PRORP: variants seen among roughly 807,000 people sequenced by gnomAD.
The protein encoded by PRORP is mitochondrial ribonuclease P catalytic subunit.
PRORP carries 51 observed loss-of-function variants against 59.4 expected under a neutral mutation model. The ratio of observed to expected loss-of-function variants is 0.86; its 90% CI spans 0.69 to 1.08. The LOEUF is 1.08. Among genes scored for constraint, PRORP ranks in the 50% least tolerant of loss-of-function variants. PRORP has a pLI of 0.00. For synonymous variants in PRORP, 231 were observed against 245.6 expected (o/e 0.94, Z 0.55); for missense variants, 646 against 690.3 (o/e 0.94, Z 0.72).
intron 5 of PRORP, among the ~76,000 whole-genome samples, chr14:35,223,020 T>G (rs8011465): frequency 0.71 from 108,224 of 152,008 alleles, 39,041 homozygotes; most frequent in Admixed American, 0.79. Flanking sequence ...ATTTACTCTC[T>G]TAGGGTCAAG....
intron 6 of PRORP, among the ~76,000 whole-genome samples, chr14:35,269,287 A>G (rs1284387845): frequency 6.6e-6 from 1 of 152,188 alleles, no homozygotes; most frequent in Admixed American, 6.5e-5. Context: ...TGTCATGATC[A>G]TTATTATTTT....
At chr14:35,125,753 G>A (rs372913414) in intron 2 of PRORP, among the ~76,000 whole-genome samples, 1 of 152,150 alleles carries the variant, frequency 6.6e-6, no homozygotes, top group East Asian at 1.9e-4. Context: ...TGGGTGCTGT[G>A]GCTCACGCCT....
rs147024120 is a variant in PRORP at position 35,161,805 on chromosome 14, G to A, written c.1168-18865G>A. 2.5e-3 allele frequency among the ~76,000 whole-genome samples: 375 copies of A among 152,160 alleles called. 2 individuals carry two copies. The highest frequency in any genetic ancestry group is 8.5e-3 in the African/African-American group (355 of 41,528). On this transcript the variant is annotated intron_variant, in intron 4 of 7. Transcript: ENST00000534898. ...GTTAGATCTATTTCTCCAAAGATCAGTCAAGATTTAAGAAATAACTTTAAA... is the reference window on the plus strand; with the variant it reads ...GTTAGATCTATTTCTCCAAAGATCAATCAAGATTTAAGAAATAACTTTAAA...
intron 5 of PRORP, chr14:35,263,181 C>G: frequency 1.5e-6 from 1 of 648,428 alleles, no homozygotes; most frequent in Non-Finnish European, 2.6e-6. Flanking sequence ...GGTAAATAGA[C>G]ATTAACAATC....
intron 5 of PRORP, among the ~76,000 whole-genome samples, chr14:35,259,951 G>T (rs1351158633): frequency 2.0e-5 from 3 of 148,438 alleles, no homozygotes; most frequent in African/African-American, 7.4e-5. Context: ...TTTTTGTATA[G>T]CATTTTTAGT....
At chr14:35,224,258 A>G (rs569779124) in intron 5 of PRORP, among the ~76,000 whole-genome samples, 1 of 152,366 alleles carries the variant, frequency 6.6e-6, no homozygotes, top group Admixed American at 6.5e-5. Context: ...ATCTAGAGAT[A>G]TTCTCTATCA....
At chr14:35,226,613 G>C (rs1471441113) in intron 5 of PRORP, among the ~76,000 whole-genome samples, 1 of 152,230 alleles carries the variant, frequency 6.6e-6, no homozygotes, top group African/African-American at 2.4e-5. Flanking sequence ...AATAAATATT[G>C]CCTAACTTTG....
At chr14:35,151,365 A>G (rs950996184) in intron 4 of PRORP, among the ~76,000 whole-genome samples, 4 of 152,240 alleles carry the variant, frequency 2.6e-5, no homozygotes, top group Non-Finnish European at 2.9e-5. Flanking sequence ...AAGGAAGAGA[A>G]AACTACCAGT....
At chr14:35,150,961 C>T (rs1056304444) in intron 4 of PRORP, among the ~76,000 whole-genome samples, 1 of 152,158 alleles carries the variant, frequency 6.6e-6, no homozygotes, top group Non-Finnish European at 1.5e-5. Context: ...TCTTATCTTT[C>T]TTACAGCGAG....
intron 5 of PRORP, among the ~76,000 whole-genome samples, chr14:35,210,123 A>G (rs1360840736): frequency 6.6e-6 from 1 of 152,226 alleles, no homozygotes; most frequent in Non-Finnish European, 1.5e-5. Flanking sequence ...ATTAAAATCC[A>G]TAAAACTGCA....
intron 5 of PRORP, among the ~76,000 whole-genome samples, chr14:35,208,540 G>A (rs1382779433): frequency 6.6e-6 from 1 of 152,180 alleles, no homozygotes; most frequent in Non-Finnish European, 1.5e-5. Context: ...ATTTAAGCCA[G>A]CACATCCAAA....
intron 5 of PRORP, among the ~76,000 whole-genome samples, chr14:35,200,495 A>G (rs1205157623): frequency 6.6e-6 from 1 of 152,034 alleles, no homozygotes; most frequent in Non-Finnish European, 1.5e-5. Flanking sequence ...CGGCCTAAGT[A>G]TGCAAAATTC....
At chr14:35,181,049 T>C (rs888805205) in intron 5 of PRORP, among the ~76,000 whole-genome samples, 1 of 152,212 alleles carries the variant, frequency 6.6e-6, no homozygotes, top group African/African-American at 2.4e-5. Flanking sequence ...GTGTAACCTT[T>C]AGCTAACCTT....
chr14:35,273,190 T>C (rs2051238200), intron 7 of PRORP, among the ~76,000 whole-genome samples: 1 of 152,208 alleles, frequency 6.6e-6, no homozygotes, highest in African/African-American at 2.4e-5. Context: ...AACGTCTGTA[T>C]TACATAAATG....
rs2047435241 is a variant in PRORP at position 35,139,359 on chromosome 14, T to C, written c.1167+11748T>C. ...CTTTATGAGTTTTGTCATATGTATA[T>C]ACCTGTGGAACTGTCACTGCAATCA... On this transcript the variant is annotated intron_variant, in intron 4 of 7. Transcript: ENST00000534898. Among the ~76,000 whole-genome samples the C allele has an allele frequency of 2.7e-5, 4 of 145,826 alleles. 1 individual carries two copies. In the Admixed American group the frequency reaches 2.9e-4, roughly 10 times the overall value.
Position 35,180,715 on chromosome 14 carries a change from G to C in PRORP, c.1213G>C (p.Asp405His). 2 of 1,613,202 alleles carry C rather than the reference G, an allele frequency of 1.2e-6. No individual in the cohort carries two copies. The highest frequency in any genetic ancestry group is 2.7e-5 in the African/African-American group (2 of 75,010). ...ENFIKSRPPF[D>H]VVIDGLNVAK... The stretch of plus-strand genomic sequence containing the variant: ...CTTCATAAAATCTCGTCCTCCTTTT[G>C]ATGTTGTCATTGATGGTCTCAATGT... The change falls in exon 5 of 8, where the codon GAT (aspartate) becomes CAT (histidine). Residue 405 changes from aspartate (D) to histidine (H), a missense_variant. Transcript: ENST00000534898.
At chr14:35,142,669 C>T (rs925954678) in intron 4 of PRORP, among the ~76,000 whole-genome samples, 1 of 144,180 alleles carries the variant, frequency 6.9e-6, no homozygotes, top group Non-Finnish European at 1.5e-5. Flanking sequence ...TGGCAAAACC[C>T]GTTCTCTAAT....
At position 35,215,273 on chromosome 14, in the gene PRORP, T is replaced by C. The variant is rs1022642009; in HGVS notation, c.1275+34496T>C. Among the ~76,000 whole-genome samples the C allele has an allele frequency of 2.0e-5, 3 of 152,184 alleles. No homozygotes were observed. In the East Asian group the frequency reaches 5.8e-4, roughly 29 times the overall value. The stretch of plus-strand genomic sequence containing the variant: ...TCTTCCAAAAGAGGGTGCTGTGGTA[T>C]TTCTCAGTACTTTAGCATCTTCTTG... On this transcript the variant is annotated intron_variant, in intron 5 of 7. Coordinates refer to ENST00000534898, the MANE Select transcript of PRORP (RefSeq NM_014672.4).
intron 4 of PRORP, among the ~76,000 whole-genome samples, chr14:35,180,382 G>A (rs1411405679): frequency 6.6e-6 from 1 of 152,192 alleles, no homozygotes; most frequent in African/African-American, 2.4e-5. Flanking sequence ...TAGAAGTCTA[G>A]ATAGGCCAGC....
Sources: allele counts gnomAD v4.1 joint callset (sites outside exome capture counted in the v4.1 genomes callset), GRCh38; gene constraint gnomAD v4.1.1; transcripts MANE v1.5; gene names NCBI Gene and HGNC (gene_info 2026-07-23, HGNC 2026-07-21).